APOBEC3A: variants seen among roughly 807,000 people sequenced by gnomAD.
APOBEC3A encodes the protein DNA dC->dU-editing enzyme APOBEC-3A.
APOBEC3A carries 13 observed loss-of-function variants against 23.0 expected under a neutral mutation model. That is an observed-to-expected ratio of 0.57 (90% confidence interval 0.37 to 0.90). The LOEUF (loss-of-function observed/expected upper bound fraction) is 0.90, where lower values mean the gene tolerates loss of function less well. Ranked by LOEUF, APOBEC3A falls within the 40% of genes least tolerant of loss-of-function variation. The pLI, the probability that APOBEC3A is intolerant of heterozygous loss-of-function variation, is 0.01. For missense variants in APOBEC3A, 179 were observed against 264.9 expected (o/e 0.68, Z 2.25); for synonymous variants, 74 against 101.3 (o/e 0.73, Z 1.62).
chr22:38,957,755 A>G, intron 1 of APOBEC3A, 35 bp downstream of exon 1: 1 of 1,604,652 alleles, frequency 6.2e-7, no homozygotes. Context: ...TCTGCGCCTC[A>G]GCCTCCTCTT....
intron 1 of APOBEC3A, 93 bp downstream of exon 1, chr22:38,957,813 C>A (rs1922639138): frequency 6.8e-7 from 1 of 1,480,152 alleles, no homozygotes; most frequent in Admixed American, 2.0e-5. Flanking sequence ...ACCCCTGGGG[C>A]CTCTCTTTTC....
chr22:38,959,613 G>C lies in APOBEC3A; in HGVS notation c.101G>C (p.Cys34Ser), dbSNP rs757872889. The change falls in exon 2 of 5, where the codon TGC (cysteine) becomes TCC (serine). Residue 34 changes from cysteine to serine, a missense_variant. Physicochemically the swap from Cys to Ser is moderately radical, Grantham distance 112. This residue lies in a region of APOBEC3A where 87 missense variants were observed against 74.5 expected (regional missense o/e 1.17). Transcript: ENST00000249116. ...NGIGRHKTYL[C>S]YEVERLDNGT... is the part of the protein sequence containing the mutation. ...ATTGGAAGGCATAAGACCTACCTGTGCTACGAAGTGGAGCGCCTGGACAAT... is the reference window on the plus strand; with the variant it reads ...ATTGGAAGGCATAAGACCTACCTGTCCTACGAAGTGGAGCGCCTGGACAAT... 8 of 1,614,124 alleles carry C rather than the reference G, an allele frequency of 5.0e-6. No individual in the cohort carries two copies. In the South Asian group the frequency reaches 7.7e-5, roughly 16 times the overall value.
At chr22:38,958,158 C>T (rs568645971) in intron 1 of APOBEC3A, among the ~76,000 whole-genome samples, 3 of 152,310 alleles carry the variant, frequency 2.0e-5, no homozygotes, top group East Asian at 3.9e-4. Flanking sequence ...GACTGCTTGG[C>T]TATGAGGAAG....
Position 38,962,218 on chromosome 22 carries a change from G to A in APOBEC3A, c.585+5G>A, listed in dbSNP as rs564816688. The A allele has an allele frequency of 1.9e-6, 3 of 1,613,632 alleles. No individual in the cohort carries two copies. Among genetic ancestry groups the A allele is most frequent in the East Asian group, 2.2e-5 (1 of 44,866 alleles). On this transcript the variant is annotated splice_donor_5th_base_variant and intron_variant, in intron 4 of 4. Coordinates refer to ENST00000249116, the MANE Select transcript of APOBEC3A (RefSeq NM_145699.4). ...AGGCTGCGGGCCATTCTCCAGGTGA[G>A]GGCTTCCTCCCTCTGCCCGGTGCCC...
intron 2 of APOBEC3A, among the ~76,000 whole-genome samples, chr22:38,960,535 C>T (rs575918279): frequency 2.7e-4 from 41 of 152,268 alleles, no homozygotes; most frequent in African/African-American, 6.7e-4. Context: ...CCAACTTGAC[C>T]GATTCCTAGT....
chr22:38,962,627 C>G lies in APOBEC3A; in HGVS notation c.*118C>G. On this transcript the variant is annotated 3_prime_UTR_variant, in exon 5 of 5. Coordinates refer to ENST00000249116, the MANE Select transcript of APOBEC3A (RefSeq NM_145699.4). ...CACCATCTCCAGCTGCTCACAGACG[C>G]CAGCAAAGCAGTATGCTCCCGATCA... is the stretch of plus-strand genomic sequence containing the variant. 1 of 1,584,282 alleles carries G rather than the reference C, an allele frequency of 6.3e-7. No homozygotes were observed. The highest frequency in any genetic ancestry group is 8.6e-7 in the Non-Finnish European group (1 of 1,167,416).
intron 1 of APOBEC3A, among the ~76,000 whole-genome samples, chr22:38,958,459 CCCTT>C (rs553901262): frequency 1.1e-3 from 168 of 148,532 alleles, no homozygotes; most frequent in African/African-American, 4.0e-3. Flanking sequence ...CTCTCTTCCT[CCCTT>C]CCTTCCTTTC....
At chr22:38,959,764 T>C (rs1196920100) in intron 2 of APOBEC3A, 78 bp downstream of exon 2, 3 of 1,539,328 alleles carry the variant, frequency 1.9e-6, no homozygotes, top group Non-Finnish European at 2.6e-6. Flanking sequence ...TTCCGGATTG[T>C]ACTTGTGGTT....
rs570995322 is a variant in APOBEC3A, at chr22:38,962,749, G to A, written c.*240G>A. 1 of 1,012,472 alleles carries A rather than the reference G, an allele frequency of 9.9e-7. No individual in the cohort carries two copies. Among genetic ancestry groups the A allele is most frequent in the South Asian group, 1.7e-5 (1 of 57,742 alleles). 62.7% of individuals were successfully genotyped at this position (1,012,472 alleles called of 1,614,324 possible). On this transcript the variant is annotated 3_prime_UTR_variant, in exon 5 of 5. Coordinates refer to ENST00000249116, the MANE Select transcript of APOBEC3A (RefSeq NM_145699.4). ...CAAGGCGGGTGGATCACGAGGTCAG[G>A]AGATCGAGACCATCCTGGCTAACAC...
chr22:38,961,846 G>A (rs1023107446), intron 3 of APOBEC3A, among the ~76,000 whole-genome samples, 165 bp downstream of exon 3: 6 of 152,086 alleles, frequency 3.9e-5, no homozygotes, highest in Admixed American at 3.3e-4. Flanking sequence ...GGAGATGTGG[G>A]CCCAGGGAGG....
chr22:38,962,639 T>C lies in APOBEC3A; in HGVS notation c.*130T>C. ...CTGCTCACAGACGCCAGCAAAGCAG[T>C]ATGCTCCCGATCAAGTAGATTTTTA... On this transcript the variant is annotated 3_prime_UTR_variant, in exon 5 of 5. Transcript: ENST00000249116. 2 of 1,576,430 alleles carry C rather than the reference T, an allele frequency of 1.3e-6. No individual in the cohort carries two copies. Among genetic ancestry groups the C allele is most frequent in the Non-Finnish European group, 1.7e-6 (2 of 1,162,918 alleles).
chr22:38,959,841 CTT>C (rs1381985876), intron 2 of APOBEC3A, among the ~76,000 whole-genome samples, 155 bp downstream of exon 2: 1 of 152,174 alleles, frequency 6.6e-6, no homozygotes, highest in Non-Finnish European at 1.5e-5. Flanking sequence ...TGGGGGGAGA[CTT>C]CGGCTTCAGT....
At chr22:38,959,828 G>A (rs1922795194) in intron 2 of APOBEC3A, 142 bp downstream of exon 2, 2 of 1,241,776 alleles carry the variant, frequency 1.6e-6, no homozygotes, top group South Asian at 1.6e-5. Flanking sequence ...TTGGCCCTGG[G>A]GTTGGGGGGA....
At position 38,959,575 on chromosome 22, in the gene APOBEC3A, C is replaced by T; in HGVS notation, c.63C>T (p.Asn21=). The T allele has an allele frequency of 6.2e-7, 1 of 1,614,098 alleles. No individual in the cohort carries two copies. The highest frequency in any genetic ancestry group is 8.5e-7 in the Non-Finnish European group (1 of 1,179,984). ...HLMDPHIFTS[N]FNNGIGRHKT... ...TGGATCCACACATATTCACTTCCAA[C>T]TTTAACAATGGCATTGGAAGGCATA... Residue 21 remains asparagine (N), a synonymous_variant, in exon 2 of 5, where the codon AAC becomes AAT. Coordinates refer to ENST00000249116, the MANE Select transcript of APOBEC3A (RefSeq NM_145699.4).
chr22:38,958,496 T>G (rs1439118405), intron 1 of APOBEC3A, among the ~76,000 whole-genome samples: 9 of 149,414 alleles, frequency 6.0e-5, no homozygotes, highest in Non-Finnish European at 1.3e-4. Flanking sequence ...TCCTTCTTTC[T>G]TTCTTTTTCT....
At chr22:38,962,289 C>T in intron 4 of APOBEC3A, 76 bp downstream of exon 4, 1 of 1,608,618 alleles carries the variant, frequency 6.2e-7, no homozygotes, top group Non-Finnish European at 8.5e-7. Flanking sequence ...TTGCCTTCCC[C>T]TCTGCTCAGA....
Position 38,962,133 on chromosome 22 carries a change from C to G in APOBEC3A, c.505C>G (p.Gln169Glu). The change falls in exon 4 of 5, where the codon CAG (glutamine) becomes GAG (glutamate). Residue 169 changes from glutamine (Q) to glutamate (E), a missense_variant. Gln to Glu is a conservative substitution (Grantham distance 29). Around this residue, in one of 5 missense-constraint regions of APOBEC3A, gnomAD observed 37 missense variants for 43.1 expected, o/e 0.86. Coordinates refer to ENST00000249116, the MANE Select transcript of APOBEC3A (RefSeq NM_145699.4). ...CTGCTGGGACACCTTTGTGGACCAC[C>G]AGGGATGTCCCTTCCAGCCCTGGGA... Reference protein sequence around the residue: ...KHCWDTFVDHQGCPFQPWDGL... With the variant: ...KHCWDTFVDHEGCPFQPWDGL... 2 of 1,612,946 alleles carry G rather than the reference C, an allele frequency of 1.2e-6. No homozygotes were observed. The highest frequency in any genetic ancestry group is 1.7e-6 in the Non-Finnish European group (2 of 1,179,730).
At position 38,962,228 on chromosome 22, in the gene APOBEC3A, C is replaced by T. The variant is rs1447103102; in HGVS notation, c.585+15C>T. 4 of 1,613,674 alleles carry T rather than the reference C, an allele frequency of 2.5e-6. No individual in the cohort carries two copies. Among genetic ancestry groups the T allele is most frequent in the East Asian group, 2.2e-5 (1 of 44,870 alleles). On this transcript the variant is annotated intron_variant, in intron 4 of 4. Transcript: ENST00000249116. ...CCATTCTCCAGGTGAGGGCTTCCTCCCTCTGCCCGGTGCCCCATCGGCCTC... is the reference window on the plus strand; with the variant it reads ...CCATTCTCCAGGTGAGGGCTTCCTCTCTCTGCCCGGTGCCCCATCGGCCTC...
At chr22:38,959,437 G>C in intron 1 of APOBEC3A, 105 bp from the exon 2 acceptor site, 1 of 1,370,676 alleles carries the variant, frequency 7.3e-7, no homozygotes, top group Non-Finnish European at 1.0e-6. Context: ...GCGGAGCAGG[G>C]GGAAGGAGGG....
Sources: gnomAD v4.1 joint callset for allele counts (sites outside exome capture counted in the v4.1 genomes callset) on GRCh38, gnomAD v4.1.1 for gene constraint, gnomAD v4.1.1 regional missense constraint, MANE v1.5 for transcripts, NCBI Gene and HGNC (gene_info 2026-07-23, HGNC 2026-07-21) for gene names.